Variants in LGMN observed in about 807,000 individuals in gnomAD.
LGMN encodes the protein asparaginyl endopeptidase.
In LGMN, 36 loss-of-function variants were observed where a neutral mutation model predicts 56.8. That is an observed-to-expected ratio of 0.63 (90% CI 0.49 to 0.84). The LOEUF (loss-of-function observed/expected upper bound fraction) is 0.84, where lower values mean the gene tolerates loss of function less well. Ranked by LOEUF, LGMN falls within the 40% of genes least tolerant of loss-of-function variation. The probability of loss-of-function intolerance (pLI) is 0.00; values close to 1 mark genes in which losing one functional copy is unlikely to be tolerated. For missense variants in LGMN, 446 were observed against 556.1 expected, an observed-to-expected ratio of 0.80 and a Z score of 1.99; for synonymous variants, 199 against 210.1, an observed-to-expected ratio of 0.95 and a Z score of 0.46.
intron 2 of LGMN, among the ~76,000 whole-genome samples, chr14:92,722,724 G>C (rs1890542452): frequency 6.6e-6 from 1 of 152,160 alleles, no homozygotes; most frequent in South Asian, 2.1e-4. Context: ...ATCGGATAAA[G>C]GGCTTGTACT....
rs532963551 is a variant in LGMN, at chr14:92,713,900, T to C, written c.481-15A>G. ...TTTACATGAAGCTGAAAGGTGAGAATATTGTCAGACCAACACATCAAGAGA... is the reference window on the plus strand; with the variant it reads ...TTTACATGAAGCTGAAAGGTGAGAACATTGTCAGACCAACACATCAAGAGA... On this transcript the variant is annotated splice_polypyrimidine_tract_variant and intron_variant, in intron 6 of 13. Transcript: ENST00000334869. 4 of 1,596,564 alleles carry C rather than the reference T, an allele frequency of 2.5e-6. No homozygotes were observed. Among genetic ancestry groups the C allele is most frequent in the African/African-American group, 1.3e-5 (1 of 74,628 alleles).
At chr14:92,746,145 T>A (rs1891811615) in intron 1 of LGMN, among the ~76,000 whole-genome samples, 1 of 152,206 alleles carries the variant, frequency 6.6e-6, no homozygotes, top group Non-Finnish European at 1.5e-5. Context: ...TTCAAACGCT[T>A]ATCATCTCTT....
intron 2 of LGMN, among the ~76,000 whole-genome samples, chr14:92,727,169 G>A (rs1890781916): frequency 1.7e-5 from 2 of 119,146 alleles, no homozygotes; most frequent in Admixed American, 8.5e-5. Flanking sequence ...AGTGGCTCAC[G>A]CCTGTAATCG....
intron 12 of LGMN, 165 bp downstream of exon 12, chr14:92,706,318 T>C: frequency 1.9e-6 from 1 of 531,388 alleles, no homozygotes; most frequent in East Asian, 3.1e-5. Flanking sequence ...GGGGCCAAGA[T>C]TTAAAATTAG....
At chr14:92,718,352 T>C (rs988087076) in intron 3 of LGMN, among the ~76,000 whole-genome samples, 4 of 152,066 alleles carry the variant, frequency 2.6e-5, no homozygotes, top group Non-Finnish European at 5.9e-5. Flanking sequence ...GGCAGCCGGA[T>C]CACTTGAGGT....
chr14:92,709,940 G>T, intron 10 of LGMN, 68 bp from the exon 11 acceptor site: 1 of 1,308,982 alleles, frequency 7.6e-7, no homozygotes, highest in Non-Finnish European at 1.1e-6. Context: ...GCCAGAGAGA[G>T]AGGGAGAGAG....
At chr14:92,713,399 A>C (rs1397107921) in intron 7 of LGMN, among the ~76,000 whole-genome samples, 2 of 152,138 alleles carry the variant, frequency 1.3e-5, no homozygotes, top group Non-Finnish European at 2.9e-5. Context: ...GGCCCTGCAC[A>C]GTTTCCATAA....
At chr14:92,722,821 G>C (rs1029494560) in intron 2 of LGMN, among the ~76,000 whole-genome samples, 1 of 152,136 alleles carries the variant, frequency 6.6e-6, no homozygotes, top group East Asian at 1.9e-4. Context: ...TATACAAATT[G>C]TTAGTCAGCA....
rs376856417 is a variant in LGMN at position 92,732,743 on chromosome 14, A to G, written c.44T>C (p.Ile15Thr). 1.3e-4 allele frequency: 209 copies of G among 1,614,078 alleles called. No homozygotes were observed. Among genetic ancestry groups the G allele is most frequent in the Non-Finnish European group, 1.7e-4 (203 of 1,180,026 alleles). Reference protein sequence around the residue: ...VAVFLSVALGIGAVPIDDPED... With the variant: ...VAVFLSVALGTGAVPIDDPED... ...AGGATCATCTATAGGAACGGCACCA[A>G]TGCCCAGGGCCACACTGAGGAATAC... Residue 15 changes from isoleucine to threonine, a missense_variant, in exon 2 of 14, where the codon ATT (isoleucine) becomes ACT (threonine). Coordinates refer to ENST00000334869, the MANE Select transcript of LGMN (RefSeq NM_005606.7).
At chr14:92,708,411 A>G (rs1442598500) in intron 11 of LGMN, among the ~76,000 whole-genome samples, 1 of 152,130 alleles carries the variant, frequency 6.6e-6, no homozygotes, top group Non-Finnish European at 1.5e-5. Flanking sequence ...CAGCCTGGGC[A>G]ACATAGTGAC....
At chr14:92,747,920 C>T (rs1891890158) in intron 1 of LGMN, among the ~76,000 whole-genome samples, 1 of 152,122 alleles carries the variant, frequency 6.6e-6, no homozygotes, top group South Asian at 2.1e-4. Flanking sequence ...GGAAAGGAAA[C>T]CAGTTAACTT....
intron 2 of LGMN, among the ~76,000 whole-genome samples, chr14:92,719,185 A>G (rs1474624953): frequency 8.0e-6 from 1 of 124,538 alleles, no homozygotes; most frequent in African/African-American, 3.2e-5. Flanking sequence ...CACCACCATC[A>G]CCACCACCGC....
intron 13 of LGMN, 62 bp from the exon 14 acceptor site, chr14:92,704,423 C>T (rs569387403): frequency 3.9e-5 from 53 of 1,376,466 alleles, no homozygotes; most frequent in East Asian, 1.8e-4. Context: ...GGCAGACAAA[C>T]GCAAACCCAC....
intron 1 of LGMN, among the ~76,000 whole-genome samples, chr14:92,734,127 C>T (rs771191972): frequency 2.0e-5 from 3 of 152,226 alleles, no homozygotes; most frequent in African/African-American, 7.2e-5. Flanking sequence ...ATCACACTTA[C>T]AGAGCATGGA....
chr14:92,746,499 A>G (rs752995665), intron 1 of LGMN, among the ~76,000 whole-genome samples: 17 of 152,174 alleles, frequency 1.1e-4, no homozygotes, highest in Non-Finnish European at 1.5e-4. Flanking sequence ...TAGAGCTATC[A>G]AATCTTTTCT....
intron 2 of LGMN, 86 bp downstream of exon 2, chr14:92,732,563 T>G: frequency 6.8e-7 from 1 of 1,471,972 alleles, no homozygotes; most frequent in African/African-American, 1.4e-5. Flanking sequence ...GCTTTTCAAG[T>G]CTTTTCTATT....
At position 92,732,680 on chromosome 14, in the gene LGMN, C is replaced by A; in HGVS notation, c.107G>T (p.Gly36Val). The A allele has an allele frequency of 1.2e-6, 2 of 1,614,132 alleles. No individual in the cohort carries two copies. Among genetic ancestry groups the A allele is most frequent in the Non-Finnish European group, 1.7e-6 (2 of 1,180,006 alleles). ...GGKHWVVIVA[G>V]SNGWYNYRHQ... Reference sequence around the variant, plus strand: ...CCTATAATTATACCAGCCATTTGAACCTGCCACGATCACCACCCAGTGCTT... The same window carrying A: ...CCTATAATTATACCAGCCATTTGAAACTGCCACGATCACCACCCAGTGCTT... The change falls in exon 2 of 14, where the codon GGT (glycine) becomes GTT (valine). Residue 36 changes from glycine to valine, a missense_variant. Gly to Val is a moderately radical substitution (Grantham distance 109). Coordinates refer to ENST00000334869, the MANE Select transcript of LGMN (RefSeq NM_005606.7).
rs9791 is a variant in LGMN at position 92,704,648 on chromosome 14, C to T, written c.1251G>A (p.Pro417=). Residue 417 remains proline, a synonymous_variant, in exon 13 of 14, where the codon CCG becomes CCA. Transcript: ENST00000334869. ...ACCGCTGCATTAGTTACCTGTGAAG[C>T]GGATACGGCTTCTCACAAAGGTTGA... ...VLVNLCEKPY[P]LHRIKLSMDH... The T allele has an allele frequency of 0.38, 612,078 of 1,608,854 alleles. 122,483 individuals are homozygous for T. Among genetic ancestry groups the T allele is most frequent in the Admixed American group, 0.54 (32,537 of 59,966 alleles).
intron 1 of LGMN, among the ~76,000 whole-genome samples, chr14:92,746,357 T>C (rs866076462): frequency 1.3e-5 from 2 of 151,978 alleles, no homozygotes; most frequent in Non-Finnish European, 2.9e-5. Flanking sequence ...AAGCAACTTG[T>C]GCAGTTAAAA....
Sources: gnomAD v4.1 joint callset for allele counts (sites outside exome capture counted in the v4.1 genomes callset) on GRCh38, gnomAD v4.1.1 for gene constraint, MANE v1.5 for transcripts, NCBI Gene and HGNC (gene_info 2026-07-23, HGNC 2026-07-21) for gene names.